Variants in CLOCK observed in about 807,000 individuals in gnomAD.
CLOCK encodes clock circadian regulator.
Under a neutral mutation model 118.4 loss-of-function variants are expected in CLOCK, and 43 were observed. The ratio of observed to expected loss-of-function variants is 0.36; its 90% CI spans 0.28 to 0.47. CLOCK has a LOEUF of 0.47. Ranked by LOEUF, CLOCK falls within the 20% of genes least tolerant of loss-of-function variation. The pLI is 1.00. For synonymous variants in CLOCK, 326 were observed against 339.2 expected (o/e 0.96, Z 0.43); for missense variants, 846 against 999.9 (o/e 0.85, Z 2.08).
intron 2 of CLOCK, among the ~76,000 whole-genome samples, chr4:55,502,190 G>T (rs1411224607): frequency 1.3e-5 from 2 of 152,162 alleles, no homozygotes; most frequent in African/African-American, 4.8e-5. Context: ...AATCCAATCA[G>T]GTTTGTGGCG....
chr4:55,455,537 C>T (rs955064312), intron 13 of CLOCK, among the ~76,000 whole-genome samples: 1 of 152,130 alleles, frequency 6.6e-6, no homozygotes, highest in African/African-American at 2.4e-5. Flanking sequence ...ATGTACCTAG[C>T]TCCTGAAAAG....
intron 2 of CLOCK, among the ~76,000 whole-genome samples, chr4:55,509,464 A>C (rs182115636): frequency 6.6e-6 from 1 of 152,298 alleles, no homozygotes; most frequent in East Asian, 1.9e-4. Context: ...CACCAGGCTG[A>C]ATAAATTTGG....
intron 2 of CLOCK, among the ~76,000 whole-genome samples, chr4:55,492,870 CA>C (rs1727812027): frequency 6.6e-6 from 1 of 151,938 alleles, no homozygotes; most frequent in Non-Finnish European, 1.5e-5. Flanking sequence ...AAAATAAAAA[CA>C]GTAAAGCTAG....
At chr4:55,457,239 C>G (rs545314133) in intron 11 of CLOCK, among the ~76,000 whole-genome samples, 2 of 152,178 alleles carry the variant, frequency 1.3e-5, no homozygotes, top group Non-Finnish European at 2.9e-5. Flanking sequence ...CCCAATCACA[C>G]AATTTTCCGT....
intron 1 of CLOCK, among the ~76,000 whole-genome samples, chr4:55,520,129 T>C (rs555280991): frequency 4.6e-5 from 7 of 152,336 alleles, no homozygotes; most frequent in African/African-American, 1.7e-4. Flanking sequence ...TGTTATCCTA[T>C]AAAACTGTCA....
chr4:55,434,545 A>G lies in CLOCK; in HGVS notation c.*870T>C, dbSNP rs867159734. 6.6e-6 allele frequency: 1 copy of G among 152,434 alleles called. No homozygotes were observed. The highest frequency in any genetic ancestry group is 6.6e-5 in the Admixed American group (1 of 15,236). The allele number at this position is 152,434 out of a possible 1,614,324, so 9.4% of individuals were successfully genotyped here. ...TAATTGAAAAATAATGAAATGAGGG[A>G]TATTTCTGAATAACTTGAAAATCCT... is the stretch of plus-strand genomic sequence containing the variant. On this transcript the variant is annotated 3_prime_UTR_variant, in exon 23 of 23. Transcript: ENST00000513440.
chr4:55,515,193 T>C (rs947862337), intron 1 of CLOCK, among the ~76,000 whole-genome samples: 1 of 152,228 alleles, frequency 6.6e-6, no homozygotes, highest in Admixed American at 6.5e-5. Context: ...TATTCCTTTA[T>C]ATTTTTAATA....
chr4:55,453,103 C>G lies in CLOCK; in HGVS notation c.1157G>C (p.Arg386Pro). The G allele has an allele frequency of 6.2e-7, 1 of 1,612,722 alleles. No homozygotes were observed. Among genetic ancestry groups the G allele is most frequent in the Non-Finnish European group, 8.5e-7 (1 of 1,179,090 alleles). Residue 386 changes from arginine to proline, a missense_variant, in exon 15 of 23, where the codon CGA becomes CCA. Arg to Pro is a moderately radical substitution (Grantham distance 103). Around this residue, in one of 4 missense-constraint regions of CLOCK, gnomAD observed 520 missense variants for 558.0 expected, o/e 0.93. Transcript: ENST00000513440. ...AGACTCTTCAATGCCAAGTTCTCGT[C>G]GTCTTTCAGCCCTAACTTCTGCATA... ...VSYAEVRAER[R>P]RELGIEESLP...
chr4:55,448,597 CGCGCGTGTGTGTGTGTGT>C (rs1315529966), intron 18 of CLOCK, among the ~76,000 whole-genome samples, 164 bp downstream of exon 18: 1 of 72,922 alleles, frequency 1.4e-5, no homozygotes, highest in East Asian at 5.4e-4. Context: ...CGCGCGCACG[CGCGCGTGTGTGTGTGTGT>C]GTGTGTGTGT....
chr4:55,474,301 C>T (rs1237597290), intron 7 of CLOCK, among the ~76,000 whole-genome samples: 2 of 152,120 alleles, frequency 1.3e-5, no homozygotes, highest in Admixed American at 1.3e-4. Context: ...CTCTTCAATT[C>T]TGTGAAGGCA....
At chr4:55,490,366 T>G (rs1029105248) in intron 2 of CLOCK, among the ~76,000 whole-genome samples, 21 of 151,964 alleles carry the variant, frequency 1.4e-4, no homozygotes, top group Non-Finnish European at 2.8e-4. Flanking sequence ...CCCAAATATA[T>G]TAAGCAAACA....
At chr4:55,488,654 G>T (rs560921293) in intron 3 of CLOCK, among the ~76,000 whole-genome samples, 25 of 152,058 alleles carry the variant, frequency 1.6e-4, no homozygotes, top group Non-Finnish European at 2.8e-4. Context: ...TTGCCATTCC[G>T]ATCTCAATTA....
chr4:55,500,322 G>T (rs1389079425), intron 2 of CLOCK, among the ~76,000 whole-genome samples: 1 of 152,108 alleles, frequency 6.6e-6, no homozygotes, highest in Admixed American at 6.5e-5. Flanking sequence ...GAGGGTTTTT[G>T]TTGTTGTTTT....
At chr4:55,463,558 A>G in intron 9 of CLOCK, 127 bp downstream of exon 9, 1 of 727,556 alleles carries the variant, frequency 1.4e-6, no homozygotes, top group South Asian at 2.1e-5. Context: ...TTAATATTGA[A>G]AAAGGACCTA....
At chr4:55,443,206 T>C (rs1043782856) in intron 20 of CLOCK, among the ~76,000 whole-genome samples, 3 of 152,154 alleles carry the variant, frequency 2.0e-5, no homozygotes, top group African/African-American at 7.2e-5. Flanking sequence ...CCAGGCGCAG[T>C]GGCTCACACC....
intron 1 of CLOCK, among the ~76,000 whole-genome samples, chr4:55,520,107 A>C (rs1203656164): frequency 6.6e-6 from 1 of 152,252 alleles, no homozygotes; most frequent in Admixed American, 6.5e-5. Flanking sequence ...TGAAGTCAAC[A>C]GGATAAGATT....
rs567331911 is a variant in CLOCK at position 55,518,044 on chromosome 4, G to A, written c.-289-7979C>T. ...CCTGAAACTGTTGTTTCAGATATGT[G>A]TGTATGAGTGTACTAGGTCATAACA... On this transcript the variant is annotated intron_variant, in intron 1 of 22. Transcript: ENST00000513440. 1.1e-4 allele frequency among the ~76,000 whole-genome samples: 16 copies of A among 152,232 alleles called. No homozygotes were observed. In the South Asian group the frequency reaches 3.1e-3, roughly 30 times the overall value.
chr4:55,452,973 T>C (rs1343748313), intron 15 of CLOCK, 81 bp downstream of exon 15: 2 of 968,736 alleles, frequency 2.1e-6, no homozygotes, highest in Non-Finnish European at 3.2e-6. Flanking sequence ...TTTTGAAAAA[T>C]AGTTTTCCTA....
chr4:55,466,823 G>T (rs1005375797), intron 8 of CLOCK, among the ~76,000 whole-genome samples: 1 of 152,012 alleles, frequency 6.6e-6, no homozygotes, highest in African/African-American at 2.4e-5. Flanking sequence ...ACAATCAAAC[G>T]TAAGAAAAGA....
Sources: gnomAD v4.1 joint callset for allele counts (sites outside exome capture counted in the v4.1 genomes callset) on GRCh38, gnomAD v4.1.1 for gene constraint, gnomAD v4.1.1 regional missense constraint, MANE v1.5 for transcripts, NCBI Gene and HGNC (gene_info 2026-07-23, HGNC 2026-07-21) for gene names.